Variants in CHTOP observed in about 807,000 individuals in gnomAD.
CHTOP encodes the protein chromatin target of PRMT1, also known as chromatin target of PRMT1 protein.
CHTOP carries 18 observed loss-of-function variants against 33.6 expected under a neutral mutation model. The ratio of observed to expected loss-of-function variants is 0.54; its 90% CI spans 0.37 to 0.80. The LOEUF (loss-of-function observed/expected upper bound fraction) is 0.80, where lower values mean the gene tolerates loss of function less well. Ranked by LOEUF, CHTOP falls within the 30% of genes least tolerant of loss-of-function variation. The pLI is 0.00. For missense variants in CHTOP, 263 were observed against 336.8 expected (o/e 0.78, Z 1.71); for synonymous variants, 117 against 127.7 (o/e 0.92, Z 0.56).
At chr1:153,634,509 T>G (rs886896283) in intron 1 of CHTOP, 166 bp downstream of exon 1, 15 of 130,942 alleles carry the variant, frequency 1.1e-4, no homozygotes, top group African/African-American at 3.1e-4. Flanking sequence ...GGGGAGGGGC[T>G]GAACTGGAAC....
At chr1:153,637,183 C>T (rs913226407) in intron 2 of CHTOP, 8 of 152,528 alleles carry the variant, frequency 5.2e-5, no homozygotes, top group South Asian at 2.1e-4. Flanking sequence ...TCTTCTCTTC[C>T]ATTCCATTAT....
intron 2 of CHTOP, 55 bp downstream of exon 2, chr1:153,636,708 G>C: frequency 2.0e-6 from 3 of 1,520,692 alleles, no homozygotes; most frequent in Non-Finnish European, 2.7e-6. Flanking sequence ...TACTTAACTT[G>C]GCCCTGGGGT....
Position 153,645,399 on chromosome 1 carries a change from C to G in CHTOP, c.*130C>G, listed in dbSNP as rs990502277. ...CACAATAGGCTGTGGACTTACTTGC[C>G]ACCAGCTTGTGCATTTAGTGTGTTC... On this transcript the variant is annotated 3_prime_UTR_variant, in exon 6 of 6. Transcript: ENST00000368694. The G allele has an allele frequency of 3.7e-6, 3 of 821,836 alleles. No individual in the cohort carries two copies. In the African/African-American group the frequency reaches 5.1e-5, roughly 14 times the overall value. The allele number at this position is 821,836 out of a possible 1,614,324, so 50.9% of individuals were successfully genotyped here. A position where few individuals can be genotyped will look rare whatever the true frequency, so the allele number is the denominator to read the frequency against.
rs548012259 is a variant in CHTOP, at chr1:153,636,297, C to G, written c.-17-275C>G. On this transcript the variant is annotated intron_variant, in intron 1 of 5. Coordinates refer to ENST00000368694, the MANE Select transcript of CHTOP (RefSeq NM_015607.4). The stretch of plus-strand genomic sequence containing the variant: ...TAAGAACTTTTGCTGGGCGTTGGGT[C>G]CCAGTGATCCCAACACTGGGAGGCC... Among the ~76,000 whole-genome samples, 20 of 151,826 alleles carry G rather than the reference C, an allele frequency of 1.3e-4. No individual in the cohort carries two copies. In the East Asian group the frequency reaches 3.3e-3, roughly 25 times the overall value.
Position 153,638,397 on chromosome 1 carries a change from C to T in CHTOP, c.168C>T (p.Ala56=), listed in dbSNP as rs1187698590. ...QLASARNRRL[A]QQMENRPSVQ... ...CCAGTGCCAGAAACAGAAGACTGGC[C>T]CAGCAGATGGAGAATAGACCCTCTG... The change falls in exon 3 of 6, where the codon GCC becomes GCT. Residue 56 remains alanine, a synonymous_variant. Coordinates refer to ENST00000368694, the MANE Select transcript of CHTOP (RefSeq NM_015607.4). The T allele has an allele frequency of 6.2e-7, 1 of 1,614,122 alleles. No homozygotes were observed. Among genetic ancestry groups the T allele is most frequent in the South Asian group, 1.1e-5 (1 of 91,078 alleles).
At chr1:153,638,214 T>A (rs1490122887) in intron 2 of CHTOP, 81 bp from the exon 3 acceptor site, 1 of 1,494,892 alleles carries the variant, frequency 6.7e-7, no homozygotes, top group Non-Finnish European at 9.2e-7. Context: ...CTGGAGCTCC[T>A]GGTCTAGCAA....
intron 1 of CHTOP, among the ~76,000 whole-genome samples, chr1:153,634,555 G>C (rs997781745): frequency 2.6e-5 from 4 of 152,244 alleles, no homozygotes; most frequent in African/African-American, 9.6e-5. Flanking sequence ...GGGTTTGATA[G>C]GATAAAAAGG....
In CHTOP at chr1:153,645,573, A is replaced by C. The variant is rs1571323540; in HGVS notation, c.*304A>C. The C allele has an allele frequency of 2.6e-6, 1 of 378,122 alleles. No homozygotes were observed. Among genetic ancestry groups the C allele is most frequent in the Non-Finnish European group, 4.8e-6 (1 of 208,238 alleles). 23.4% of individuals were successfully genotyped at this position (378,122 alleles called of 1,614,324 possible). A position where few individuals can be genotyped will look rare whatever the true frequency, so the allele number is the denominator to read the frequency against. On this transcript the variant is annotated 3_prime_UTR_variant, in exon 6 of 6. Coordinates refer to ENST00000368694, the MANE Select transcript of CHTOP (RefSeq NM_015607.4). ...AATGCATTAGCCTTGTGGCTAGAAC[A>C]CCCTCTTCCTACCTCTGTCTCCCCT...
At chr1:153,638,044 A>C (rs1050163011) in intron 2 of CHTOP, 15 of 474,996 alleles carry the variant, frequency 3.2e-5, no homozygotes, top group African/African-American at 2.7e-4. Context: ...ACCTCTCTAA[A>C]AGCCGTTACC....
At chr1:153,638,877 GTTTTCT>G (rs1668509181) in intron 3 of CHTOP, among the ~76,000 whole-genome samples, 1 of 116,060 alleles carries the variant, frequency 8.6e-6, no homozygotes, top group Admixed American at 1.2e-4. Context: ...TTAGTCAAAG[GTTTTCT>G]TTTTTTTTTT....
chr1:153,638,978 C>G (rs1488758793), intron 3 of CHTOP, among the ~76,000 whole-genome samples: 2 of 151,528 alleles, frequency 1.3e-5, no homozygotes, highest in Non-Finnish European at 2.9e-5. Flanking sequence ...CCTCCCGGGT[C>G]CATACCATTC....
At chr1:153,638,867 T>C (rs1230242620) in intron 3 of CHTOP, among the ~76,000 whole-genome samples, 1 of 146,292 alleles carries the variant, frequency 6.8e-6, no homozygotes, top group East Asian at 2.0e-4. Context: ...TTGCATGGCC[T>C]TAGTCAAAGG....
intron 3 of CHTOP, among the ~76,000 whole-genome samples, chr1:153,640,552 G>C (rs1022654394): frequency 1.3e-5 from 2 of 152,114 alleles, no homozygotes; most frequent in Non-Finnish European, 1.5e-5. Context: ...GGCCTGGGCA[G>C]GTGGATCACC....
intron 5 of CHTOP, 153 bp downstream of exon 5, chr1:153,643,517 T>C (rs1668699887): frequency 5.4e-6 from 4 of 743,214 alleles, no homozygotes; most frequent in South Asian, 3.0e-5. Context: ...CAAATTACCA[T>C]GCTGGTAGTG....
intron 4 of CHTOP, chr1:153,642,833 A>G (rs922023112): frequency 2.1e-5 from 5 of 242,852 alleles, no homozygotes; most frequent in African/African-American, 1.2e-4. Context: ...GACCCACAGC[A>G]CTTACCTATA....
intron 2 of CHTOP, 82 bp from the exon 3 acceptor site, chr1:153,638,213 C>G (rs1291386110): frequency 6.7e-7 from 1 of 1,490,800 alleles, no homozygotes; most frequent in Non-Finnish European, 9.3e-7. Context: ...TCTGGAGCTC[C>G]TGGTCTAGCA....
rs972586900 is a variant in CHTOP at position 153,646,268 on chromosome 1, A to G, written c.*999A>G. On this transcript the variant is annotated 3_prime_UTR_variant, in exon 6 of 6. Coordinates refer to ENST00000368694, the MANE Select transcript of CHTOP (RefSeq NM_015607.4). Reference sequence around the variant, plus strand: ...CTGTTCAGTTTCAGTGGAATCTTGTATTTCTGGTTCATTATAACAAACTGT... The same window carrying G: ...CTGTTCAGTTTCAGTGGAATCTTGTGTTTCTGGTTCATTATAACAAACTGT... The G allele has an allele frequency of 1.3e-5, 2 of 151,980 alleles. No homozygotes were observed. The highest frequency in any genetic ancestry group is 2.1e-4 in the South Asian group (1 of 4,820). 9.4% of individuals were successfully genotyped at this position (151,980 alleles called of 1,614,324 possible).
At chr1:153,644,614 C>G (rs1216799802) in intron 5 of CHTOP, among the ~76,000 whole-genome samples, 2 of 152,166 alleles carry the variant, frequency 1.3e-5, no homozygotes, top group Non-Finnish European at 2.9e-5. Flanking sequence ...CCAGAAGGGT[C>G]TCCAATAAAC....
In CHTOP at chr1:153,646,118, A is replaced by T. The variant is rs1049020296; in HGVS notation, c.*849A>T. On this transcript the variant is annotated 3_prime_UTR_variant, in exon 6 of 6. Transcript: ENST00000368694. ...ACGAACTGCTGGAAGAGGTCAGAAGATAGCCATGCTAAAATGCAATTATAT... is the reference window on the plus strand; with the variant it reads ...ACGAACTGCTGGAAGAGGTCAGAAGTTAGCCATGCTAAAATGCAATTATAT... 1 of 152,254 alleles carries T rather than the reference A, an allele frequency of 6.6e-6. No homozygotes were observed. Among genetic ancestry groups the T allele is most frequent in the Non-Finnish European group, 1.5e-5 (1 of 68,058 alleles). 9.4% of individuals were successfully genotyped at this position (152,254 alleles called of 1,614,324 possible).
Sources: allele counts gnomAD v4.1 joint callset (sites outside exome capture counted in the v4.1 genomes callset), GRCh38; gene constraint gnomAD v4.1.1; transcripts MANE v1.5; gene names NCBI Gene and HGNC (gene_info 2026-07-23, HGNC 2026-07-21).